The following DLG2 variants were observed in gnomAD, a reference collection of about 807,000 sequenced individuals.
DLG2 encodes the protein disks large homolog 2.
In DLG2, 45 loss-of-function variants were observed where a neutral mutation model predicts 132.5. The observed-to-expected ratio is 0.34, with a 90% CI of 0.27 to 0.44. The LOEUF is 0.44. Ranked by LOEUF, DLG2 falls within the 20% of genes least tolerant of loss-of-function variation. DLG2 has a pLI of 1.00. For synonymous variants in DLG2, 424 were observed against 419.6 expected, an observed-to-expected ratio of 1.01 and a Z score of -0.13; for missense variants, 1,045 against 1,196.9, an observed-to-expected ratio of 0.87 and a Z score of 1.87.
rs551862773 is a variant in DLG2, at chr11:83,512,639, G to A, written c.2193+20069C>T. ...GTTGGTGTGCTGGACCAATTAACTC[G>A]TCATTTAACATTAGGCATATCTCCT... On this transcript the variant is annotated intron_variant, in intron 21 of 27. Transcript: ENST00000376104. 1.6e-4 allele frequency among the ~76,000 whole-genome samples: 25 copies of A among 151,894 alleles called. No homozygotes were observed. In the East Asian group the frequency reaches 3.1e-3, roughly 19 times the overall value.
At chr11:85,355,171 T>C (rs149254375) in intron 3 of DLG2, among the ~76,000 whole-genome samples, 326 of 152,318 alleles carry the variant, frequency 2.1e-3, no homozygotes, top group Non-Finnish European at 4.0e-3. Flanking sequence ...AGATGATCAA[T>C]TGATCAGTTG....
intron 19 of DLG2, among the ~76,000 whole-genome samples, chr11:83,561,824 A>G (rs1388812223): frequency 6.6e-6 from 1 of 151,956 alleles, no homozygotes; most frequent in African/African-American, 2.4e-5. Flanking sequence ...GGGCAGTAGG[A>G]ACATAATATT....
At chr11:85,587,479 T>C (rs542179981) in intron 3 of DLG2, among the ~76,000 whole-genome samples, 1 of 152,284 alleles carries the variant, frequency 6.6e-6, no homozygotes, top group South Asian at 2.1e-4. Context: ...TCAACTGTTG[T>C]TGTTTTAAAG....
At chr11:84,151,075 T>C (rs2095277653) in intron 9 of DLG2, among the ~76,000 whole-genome samples, 1 of 152,142 alleles carries the variant, frequency 6.6e-6, no homozygotes, top group Non-Finnish European at 1.5e-5. Flanking sequence ...GTTGTCTTTT[T>C]TGCTGTGTAT....
intron 6 of DLG2, among the ~76,000 whole-genome samples, chr11:84,952,944 C>A (rs954658261): frequency 1.3e-5 from 2 of 152,186 alleles, no homozygotes; most frequent in African/African-American, 4.8e-5. Flanking sequence ...ACTTTATTTT[C>A]TACCAGTTTC....
At chr11:83,709,231 CTGTGTG>C (rs112665187) in intron 18 of DLG2, among the ~76,000 whole-genome samples, 6 of 147,226 alleles carry the variant, frequency 4.1e-5, no homozygotes, top group African/African-American at 7.5e-5. Flanking sequence ...AAATTTTACA[CTGTGTG>C]TGTGTGTGTG....
At chr11:84,655,741 T>TG (rs201809862) in intron 6 of DLG2, among the ~76,000 whole-genome samples, 11 of 150,920 alleles carry the variant, frequency 7.3e-5, no homozygotes, top group African/African-American at 1.5e-4. Context: ...TTTGTTTGTT[T>TG]TTTTTTTTTT....
intron 8 of DLG2, among the ~76,000 whole-genome samples, chr11:84,198,897 G>A (rs1181232256): frequency 1.3e-5 from 2 of 152,096 alleles, no homozygotes; most frequent in Non-Finnish European, 2.9e-5. Flanking sequence ...GCTTTCAGGG[G>A]CAAATGGTGC....
At chr11:84,951,644 CAT>C (rs1476754687) in intron 6 of DLG2, among the ~76,000 whole-genome samples, 2 of 149,418 alleles carry the variant, frequency 1.3e-5, no homozygotes, top group East Asian at 1.9e-4. Context: ...TATATATACA[CAT>C]ATATATGCAT....
At chr11:84,526,820 C>G (rs1320342404) in intron 7 of DLG2, among the ~76,000 whole-genome samples, 2 of 147,672 alleles carry the variant, frequency 1.4e-5, no homozygotes, top group Non-Finnish European at 1.5e-5. Context: ...GCTCTGTCGC[C>G]CAGGCTGGAG....
intron 7 of DLG2, among the ~76,000 whole-genome samples, chr11:84,344,127 T>C (rs2098528387): frequency 6.6e-6 from 1 of 152,110 alleles, no homozygotes; most frequent in Admixed American, 6.5e-5. Flanking sequence ...AACATCAATA[T>C]CAGTTTGGGA....
chr11:83,999,003 G>T (rs893555160), intron 11 of DLG2, among the ~76,000 whole-genome samples: 1 of 152,174 alleles, frequency 6.6e-6, no homozygotes, highest in Non-Finnish European at 1.5e-5. Flanking sequence ...CATGAGTGCT[G>T]CCAGGGATGA....
chr11:85,262,071 G>A (rs1025399459), intron 4 of DLG2, among the ~76,000 whole-genome samples: 3 of 152,176 alleles, frequency 2.0e-5, no homozygotes, highest in Non-Finnish European at 4.4e-5. Flanking sequence ...TCGCAATCCT[G>A]AGAGAGAGTC....
At chr11:85,156,427 G>C (rs192555698) in intron 4 of DLG2, among the ~76,000 whole-genome samples, 2 of 152,146 alleles carry the variant, frequency 1.3e-5, no homozygotes, top group Non-Finnish European at 1.5e-5. Context: ...ATAGATAGAT[G>C]AACAAACTGA....
At chr11:84,708,370 A>C (rs2059998124) in intron 6 of DLG2, among the ~76,000 whole-genome samples, 1 of 151,912 alleles carries the variant, frequency 6.6e-6, no homozygotes, top group African/African-American at 2.4e-5. Flanking sequence ...CATTACAAAG[A>C]GATAAGTTCT....
intron 18 of DLG2, among the ~76,000 whole-genome samples, chr11:83,756,454 A>G (rs2093650440): frequency 2.0e-5 from 3 of 151,654 alleles, no homozygotes; most frequent in South Asian, 4.1e-4. Flanking sequence ...AAACAAAACA[A>G]TAAGAACTTG....
chr11:85,468,161 C>G (rs1320178733), intron 3 of DLG2, among the ~76,000 whole-genome samples: 2 of 151,730 alleles, frequency 1.3e-5, no homozygotes, highest in Non-Finnish European at 2.9e-5. Context: ...GTGATATCCC[C>G]TTTATCATTT....
chr11:85,144,580 A>G (rs1262876198), intron 5 of DLG2, among the ~76,000 whole-genome samples: 1 of 151,364 alleles, frequency 6.6e-6, no homozygotes, highest in South Asian at 2.1e-4. Flanking sequence ...TTTTCTGTGT[A>G]TCTGTTGTGG....
At chr11:85,076,061 A>G (rs2066502205) in intron 6 of DLG2, among the ~76,000 whole-genome samples, 1 of 151,978 alleles carries the variant, frequency 6.6e-6, no homozygotes, top group Admixed American at 6.6e-5. Context: ...TTACTCACAC[A>G]TTAAGCTTGT....
Sources: gnomAD v4.1 joint callset for allele counts (sites outside exome capture counted in the v4.1 genomes callset) on GRCh38, gnomAD v4.1.1 for gene constraint, MANE v1.5 for transcripts, NCBI Gene and HGNC (gene_info 2026-07-23, HGNC 2026-07-21) for gene names.